Variants in CCNK observed in about 807,000 individuals in gnomAD.
CCNK encodes cyclin K.
In CCNK, 9 loss-of-function variants were observed where a neutral mutation model predicts 65.0. The ratio of observed to expected loss-of-function variants is 0.14; its 90% CI spans 0.08 to 0.24. CCNK has a LOEUF of 0.24. CCNK is among the 10% of genes least tolerant of loss of function. The pLI is 1.00. For synonymous variants in CCNK, 279 were observed against 270.8 expected (o/e 1.03, Z -0.30); for missense variants, 474 against 720.0 (o/e 0.66, Z 3.91).
intron 1 of CCNK, among the ~76,000 whole-genome samples, chr14:99,485,521 T>C (rs929957694): frequency 3.3e-5 from 5 of 152,332 alleles, no homozygotes; most frequent in Admixed American, 6.5e-5. Context: ...CTTTTTATTA[T>C]CCCTTGACCA....
Position 99,510,170 on chromosome 14 carries a change from C to T in CCNK, c.1131C>T (p.Pro377=). The T allele has an allele frequency of 6.3e-7, 1 of 1,597,530 alleles. No homozygotes were observed. The highest frequency in any genetic ancestry group is 1.1e-5 in the South Asian group (1 of 88,800). The stretch of plus-strand genomic sequence containing the variant: ...TCTCTCCTGCAGACCGGAAGCCTCC[C>T]CTCGCTGCTGCCTTAGGTGAGGCTG... ...PAHPPPDRKP[P]LAAALGEAEP... is the part of the protein sequence containing the mutation. Residue 377 remains proline, a synonymous_variant, in exon 11 of 11, where the codon CCC becomes CCT. Coordinates refer to ENST00000389879, the MANE Select transcript of CCNK (RefSeq NM_001099402.2).
intron 1 of CCNK, among the ~76,000 whole-genome samples, chr14:99,484,789 G>A (rs1020660916): frequency 2.0e-5 from 3 of 152,224 alleles, no homozygotes; most frequent in African/African-American, 7.2e-5. Context: ...AGGGGATTTC[G>A]ATATTGGGTG....
At chr14:99,487,456 A>G (rs1455108247) in intron 1 of CCNK, among the ~76,000 whole-genome samples, 1 of 152,214 alleles carries the variant, frequency 6.6e-6, no homozygotes, top group East Asian at 1.9e-4. Flanking sequence ...GTCTTCAGAC[A>G]TTGCCAAATG....
chr14:99,481,614 GGTA>G (rs1896324374), intron 1 of CCNK, 135 bp downstream of exon 1: 2 of 394,966 alleles, frequency 5.1e-6, no homozygotes, highest in Admixed American at 8.9e-5. Context: ...GCTAACCTCC[GGTA>G]CACATTGAAC....
At chr14:99,503,198 C>G (rs868561000) in intron 8 of CCNK, 2 of 701,516 alleles carry the variant, frequency 2.9e-6, no homozygotes, top group African/African-American at 1.7e-5. Flanking sequence ...GCTCTCTGCC[C>G]GGCTCCAGCC....
chr14:99,510,629 C>A lies in CCNK; in HGVS notation c.1590C>A (p.Val530=), dbSNP rs1481297400. 5 of 1,384,988 alleles carry A rather than the reference C, an allele frequency of 3.6e-6. No homozygotes were observed. The highest frequency in any genetic ancestry group is 2.8e-6 in the Non-Finnish European group (3 of 1,064,198). The allele number at this position is 1,384,988 out of a possible 1,614,324, so 85.8% of individuals were successfully genotyped here. Residue 530 remains valine (V), a synonymous_variant, in exon 11 of 11, where the codon GTC becomes GTA. Transcript: ENST00000389879. ...CACGCCTCCCGCCTACCCACGCAGT[C>A]CCCCCTCATCCTCCTCCAGGGTTGG... ...PPPRLPPTHA[V]PPHPPPGLGL...
intron 1 of CCNK, among the ~76,000 whole-genome samples, chr14:99,489,576 T>C (rs1049744504): frequency 6.6e-6 from 1 of 152,220 alleles, no homozygotes; most frequent in African/African-American, 2.4e-5. Flanking sequence ...AATAATTCTT[T>C]TCAGTTATTT....
chr14:99,506,175 TC>T (rs1896970919), intron 9 of CCNK: 1 of 152,074 alleles, frequency 6.6e-6, no homozygotes, highest in South Asian at 2.1e-4. Context: ...AGAGAGGAAG[TC>T]CCTGGAACTT....
chr14:99,493,497 C>G lies in CCNK; in HGVS notation c.198-17C>G. On this transcript the variant is annotated splice_polypyrimidine_tract_variant and intron_variant, in intron 2 of 10. Transcript: ENST00000389879. ...CCTGTAAAAGTTATTGGTTAGAGTC[C>G]TTAACCAGAACAACAGACACTATGA... The G allele has an allele frequency of 6.4e-7, 1 of 1,569,438 alleles. No individual in the cohort carries two copies. The highest frequency in any genetic ancestry group is 8.7e-7 in the Non-Finnish European group (1 of 1,145,110).
intron 1 of CCNK, among the ~76,000 whole-genome samples, chr14:99,482,419 C>T (rs748967595): frequency 2.6e-5 from 4 of 152,152 alleles, no homozygotes; most frequent in Non-Finnish European, 4.4e-5. Context: ...AATAAGCCCT[C>T]TGTATTGCTG....
chr14:99,482,199 A>G (rs1896355329), intron 1 of CCNK, among the ~76,000 whole-genome samples: 1 of 152,240 alleles, frequency 6.6e-6, no homozygotes, highest in Non-Finnish European at 1.5e-5. Flanking sequence ...ATCTGAGGTT[A>G]GGAACTATTT....
rs1566755185 is a variant in CCNK at position 99,510,314 on chromosome 14, C to T, written c.1275C>T (p.Pro425=). The change falls in exon 11 of 11, where the codon CCC becomes CCT. Residue 425 remains proline (P), a synonymous_variant. Transcript: ENST00000389879. Reference sequence around the variant, plus strand: ...CACACCGGCCCCCGCCCCCACCCCCCTCCAGCTACATGACCGGGATGTCCA... The same window carrying T: ...CACACCGGCCCCCGCCCCCACCCCCTTCCAGCTACATGACCGGGATGTCCA... The part of the protein sequence containing the change: ...PLPHRPPPPP[P]SSYMTGMSTT... 2.6e-6 allele frequency: 4 copies of T among 1,567,332 alleles called. No individual in the cohort carries two copies. Among genetic ancestry groups the T allele is most frequent in the South Asian group, 2.3e-5 (2 of 87,910 alleles).
At chr14:99,489,996 T>A (rs1196109213) in intron 1 of CCNK, among the ~76,000 whole-genome samples, 1 of 152,214 alleles carries the variant, frequency 6.6e-6, no homozygotes, top group East Asian at 1.9e-4. Context: ...ACACCACAGT[T>A]GTAATCGTCT....
At position 99,492,665 on chromosome 14, in the gene CCNK, C is replaced by A; in HGVS notation, c.-13C>A. On this transcript the variant is annotated 5_prime_UTR_variant, in exon 2 of 11. Transcript: ENST00000389879. ...CAGAGAACCTTTTGGAAAGAACAAG[C>A]CTACTTCAATAAATGAAGGAGAATA... is the stretch of plus-strand genomic sequence containing the variant. 6.3e-7 allele frequency: 1 copy of A among 1,591,708 alleles called. No individual in the cohort carries two copies. The highest frequency in any genetic ancestry group is 8.5e-7 in the Non-Finnish European group (1 of 1,172,164).
chr14:99,496,848 G>A (rs1486456259), intron 4 of CCNK, among the ~76,000 whole-genome samples: 2 of 151,576 alleles, frequency 1.3e-5, no homozygotes, highest in African/African-American at 4.9e-5. Context: ...GGGAGGCAGA[G>A]GTTGCAGTGA....
chr14:99,507,477 A>G, intron 10 of CCNK: 1 of 289,272 alleles, frequency 3.5e-6, no homozygotes. Flanking sequence ...AGATGGGAAG[A>G]TCATTTGAGC....
At chr14:99,502,629 C>G in intron 7 of CCNK, 90 bp from the exon 8 acceptor site, 2 of 1,303,542 alleles carry the variant, frequency 1.5e-6, no homozygotes, top group South Asian at 2.6e-5. Flanking sequence ...CTTAGGTCCT[C>G]GTAGGGGTAT....
At position 99,510,437 on chromosome 14, in the gene CCNK, C is replaced by T. The variant is rs1158891445; in HGVS notation, c.1398C>T (p.Gly466=). The T allele has an allele frequency of 1.9e-6, 3 of 1,543,668 alleles. No individual in the cohort carries two copies. The highest frequency in any genetic ancestry group is 2.4e-5 in the South Asian group (2 of 83,786). ...ACGGTGCCCTGCCCCCCGCCTACGG[C>T]CCACCTGCACACCTGCCCTACCACC... is the stretch of plus-strand genomic sequence containing the variant. ...PSYGALPPAY[G]PPAHLPYHPH... is the part of the protein sequence containing the mutation. The change falls in exon 11 of 11, where the codon GGC becomes GGT. Residue 466 remains glycine (G), a synonymous_variant. Coordinates refer to ENST00000389879, the MANE Select transcript of CCNK (RefSeq NM_001099402.2).
chr14:99,501,199 G>A (rs1458364539), intron 5 of CCNK, 157 bp from the exon 6 acceptor site: 3 of 638,336 alleles, frequency 4.7e-6, no homozygotes, highest in African/African-American at 1.8e-5. Flanking sequence ...GAAGGGGTAG[G>A]ATGTGGACCC....
Sources: allele counts gnomAD v4.1 joint callset (sites outside exome capture counted in the v4.1 genomes callset), GRCh38; gene constraint gnomAD v4.1.1; transcripts MANE v1.5; gene names NCBI Gene and HGNC (gene_info 2026-07-23, HGNC 2026-07-21).